Variants in PDE4D observed in about 807,000 individuals in gnomAD.
PDE4D encodes the protein 3',5'-cyclic-AMP phosphodiesterase 4D.
In PDE4D, 24 loss-of-function variants were observed where a neutral mutation model predicts 87.4. The observed-to-expected ratio is 0.27, with a 90% CI of 0.20 to 0.39. The LOEUF is 0.39. Ranked by LOEUF, PDE4D falls within the 10% of genes least tolerant of loss-of-function variation. The pLI is 1.00. For missense variants in PDE4D, 714 were observed against 1,041.0 expected, an observed-to-expected ratio of 0.69 and a Z score of 4.32; for synonymous variants, 384 against 383.2, an observed-to-expected ratio of 1.00 and a Z score of -0.02.
intron 1 of PDE4D, among the ~76,000 whole-genome samples, chr5:59,294,717 ACTGT>A (rs1768721283): frequency 6.6e-6 from 1 of 152,196 alleles, no homozygotes; most frequent in African/African-American, 2.4e-5. Context: ...AACTCTTAAG[ACTGT>A]CTCTCTTTTG....
intron 1 of PDE4D, among the ~76,000 whole-genome samples, chr5:60,193,210 C>T (rs892315373): frequency 6.6e-6 from 1 of 152,042 alleles, no homozygotes; most frequent in Non-Finnish European, 1.5e-5. Context: ...GCCTCCCTGC[C>T]TGTGCTAGTT....
intron 1 of PDE4D, among the ~76,000 whole-genome samples, chr5:59,507,058 A>G (rs767631310): frequency 6.6e-6 from 1 of 152,218 alleles, no homozygotes; most frequent in Admixed American, 6.5e-5. Flanking sequence ...TGGGCCAGGC[A>G]CAGTGGCTCA....
intron 1 of PDE4D, among the ~76,000 whole-genome samples, chr5:59,651,258 CAATAATAATAATAATAATAATAATAAT>C (rs59177482): frequency 7.0e-6 from 1 of 142,258 alleles, no homozygotes; most frequent in African/African-American, 2.6e-5. Flanking sequence ...TCTGTCTCAA[CAATAATAATAATAATAATAATAATAAT>C]AATAATAATA....
At chr5:59,398,927 T>C (rs1411113557) in intron 1 of PDE4D, among the ~76,000 whole-genome samples, 7 of 117,006 alleles carry the variant, frequency 6.0e-5, no homozygotes, top group African/African-American at 2.5e-4. Context: ...AGCATTCTTA[T>C]ACACCAACAA....
chr5:60,232,066 A>G (rs1011046459), intron 1 of PDE4D, among the ~76,000 whole-genome samples: 1 of 151,938 alleles, frequency 6.6e-6, no homozygotes, highest in African/African-American at 2.4e-5. Context: ...ATCTACAACC[A>G]ACTGTTTGTA....
chr5:59,550,286 T>A (rs947127268), intron 1 of PDE4D, among the ~76,000 whole-genome samples: 2 of 152,172 alleles, frequency 1.3e-5, no homozygotes, highest in Non-Finnish European at 2.9e-5. Context: ...CTGCTGAATA[T>A]TTGGCTCATT....
At chr5:60,508,263 G>A (rs1030374629) in intron 1 of PDE4D, among the ~76,000 whole-genome samples, 4 of 152,276 alleles carry the variant, frequency 2.6e-5, no homozygotes, top group African/African-American at 9.6e-5. Flanking sequence ...CCTGTTCCAG[G>A]AATACAAATT....
At position 60,510,222 on chromosome 5, in the gene PDE4D, T is replaced by A. The variant is rs1217797859; in HGVS notation, n.70+11829A>T. 3.3e-5 allele frequency among the ~76,000 whole-genome samples: 5 copies of A among 152,156 alleles called. No homozygotes were observed. In the South Asian group the frequency reaches 1.0e-3, roughly 32 times the overall value. ...ACATTCTCTGGCTTCCTACATGCAATAATTCTCAGCAGCCCATCAGAGAAA... is the reference window on the plus strand; with the variant it reads ...ACATTCTCTGGCTTCCTACATGCAAAAATTCTCAGCAGCCCATCAGAGAAA... On this transcript the variant is annotated intron_variant and non_coding_transcript_variant, in intron 1 of 2. Transcript: ENST00000506510.
chr5:59,673,662 C>T (rs1359565988), intron 1 of PDE4D, among the ~76,000 whole-genome samples: 2 of 152,116 alleles, frequency 1.3e-5, no homozygotes, highest in Non-Finnish European at 2.9e-5. Context: ...CAGAAAATTA[C>T]ATTTATGCAT....
intron 1 of PDE4D, among the ~76,000 whole-genome samples, chr5:59,786,004 T>TG (rs1765131592): frequency 7.1e-6 from 1 of 140,090 alleles, no homozygotes; most frequent in Non-Finnish European, 1.6e-5. Flanking sequence ...GGGGTGAGGG[T>TG]GGGGGGAACT....
At chr5:60,308,865 G>GC (rs1754742938) in intron 1 of PDE4D, among the ~76,000 whole-genome samples, 2 of 151,820 alleles carry the variant, frequency 1.3e-5, no homozygotes, top group South Asian at 4.2e-4. Flanking sequence ...TAACAAACTT[G>GC]CCCCCCGCCC....
intron 1 of PDE4D, among the ~76,000 whole-genome samples, chr5:59,260,213 T>C (rs1434478447): frequency 6.6e-6 from 1 of 151,844 alleles, no homozygotes; most frequent in Non-Finnish European, 1.5e-5. Context: ...AAGCAACTAT[T>C]TATTCAGAAA....
chr5:59,036,085 T>C (rs1336617062), intron 6 of PDE4D, among the ~76,000 whole-genome samples: 3 of 152,244 alleles, frequency 2.0e-5, no homozygotes, highest in African/African-American at 4.8e-5. Flanking sequence ...GCTAATTGGC[T>C]AAGATGCCTT....
chr5:60,127,287 C>T (rs1031203663), intron 2 of PDE4D, among the ~76,000 whole-genome samples: 3 of 152,078 alleles, frequency 2.0e-5, no homozygotes, highest in Non-Finnish European at 4.4e-5. Context: ...ACAAAAATGA[C>T]GTTAATAGTC....
chr5:59,428,060 T>C (rs1795567567), intron 1 of PDE4D, among the ~76,000 whole-genome samples: 1 of 152,128 alleles, frequency 6.6e-6, no homozygotes, highest in Admixed American at 6.5e-5. Context: ...GTTAACTGCT[T>C]TCTTGATGTC....
chr5:59,049,343 G>A (rs1188989366), intron 5 of PDE4D, among the ~76,000 whole-genome samples: 2 of 152,198 alleles, frequency 1.3e-5, no homozygotes, highest in East Asian at 3.9e-4. Flanking sequence ...AGTAATACTG[G>A]CCTGGGTGTG....
At chr5:60,424,057 C>T (rs536089484) in intron 1 of PDE4D, among the ~76,000 whole-genome samples, 7 of 152,262 alleles carry the variant, frequency 4.6e-5, no homozygotes, top group African/African-American at 9.6e-5. Flanking sequence ...AGCCTACCAA[C>T]CAAAAAAAGT....
intron 1 of PDE4D, among the ~76,000 whole-genome samples, chr5:59,701,865 G>C (rs540696960): frequency 6.6e-6 from 1 of 152,320 alleles, no homozygotes; most frequent in Admixed American, 6.5e-5. Context: ...ATCCAGACCT[G>C]AGGCCCAGCA....
At chr5:60,429,803 G>T in intron 1 of PDE4D, 1 of 329,116 alleles carries the variant, frequency 3.0e-6, no homozygotes, top group Non-Finnish European at 5.9e-6. Context: ...TTGCATCCTA[G>T]GGATAAAGCC....
Sources: gnomAD v4.1 joint callset for allele counts (sites outside exome capture counted in the v4.1 genomes callset) on GRCh38, gnomAD v4.1.1 for gene constraint, MANE v1.5 for transcripts, NCBI Gene and HGNC (gene_info 2026-07-23, HGNC 2026-07-21) for gene names.